Variants in PHAF1 observed in about 807,000 individuals in gnomAD.
PHAF1 encodes the protein phagophore assembly factor 1.
PHAF1 carries 23 observed loss-of-function variants against 63.1 expected under a neutral mutation model. The ratio of observed to expected loss-of-function variants is 0.36; its 90% confidence interval spans 0.26 to 0.52. The LOEUF is 0.52. Ranked by LOEUF, PHAF1 falls within the 20% of genes least tolerant of loss-of-function variation. The pLI, the probability that PHAF1 is intolerant of heterozygous loss-of-function variation, is 0.93. For missense variants in PHAF1, 427 were observed against 517.2 expected, an observed-to-expected ratio of 0.83 and a Z score of 1.69; for synonymous variants, 167 against 185.0, an observed-to-expected ratio of 0.90 and a Z score of 0.79.
intron 5 of PHAF1, 44 bp downstream of exon 5, chr16:67,132,569 C>T: frequency 6.3e-7 from 1 of 1,578,506 alleles, no homozygotes; most frequent in Non-Finnish European, 8.7e-7. Context: ...AGTGGCAGTT[C>T]ATAGCAATAA....
At position 67,121,673 on chromosome 16, in the gene PHAF1, C is replaced by T. The variant is rs570587951; in HGVS notation, c.147+1479C>T. Reference sequence around the variant, plus strand: ...TCGGCTCACCTCAACCTGCGCCTCCCGAGTTCAAGCGATTCTCCTGCCTCA... The same window carrying T: ...TCGGCTCACCTCAACCTGCGCCTCCTGAGTTCAAGCGATTCTCCTGCCTCA... On this transcript the variant is annotated intron_variant, in intron 2 of 15. Coordinates refer to ENST00000219139, the MANE Select transcript of PHAF1 (RefSeq NM_025187.5). 8.0e-5 allele frequency among the ~76,000 whole-genome samples: 12 copies of T among 149,292 alleles called. No individual in the cohort carries two copies. In the South Asian group the frequency reaches 2.1e-3, roughly 27 times the overall value.
chr16:67,115,576 T>C (rs1962702338), intron 1 of PHAF1, among the ~76,000 whole-genome samples: 1 of 152,140 alleles, frequency 6.6e-6, no homozygotes, highest in Non-Finnish European at 1.5e-5. Context: ...CATTGAGAGG[T>C]TATAAGCAGG....
chr16:67,138,980 G>A (rs1263910214), intron 8 of PHAF1, among the ~76,000 whole-genome samples: 2 of 152,140 alleles, frequency 1.3e-5, no homozygotes, highest in Admixed American at 6.5e-5. Context: ...ATGCAGTGGT[G>A]TGATCTTAGC....
rs73593350 is a variant in PHAF1, at chr16:67,122,195, C to T, written c.147+2001C>T. Among the ~76,000 whole-genome samples the T allele has an allele frequency of 4.4e-3, 668 of 152,274 alleles. 3 individuals carry two copies. The highest frequency in any genetic ancestry group is 0.015 in the African/African-American group (638 of 41,570). ...GATTACAGGCGTGAGCCACCGTGACCGGCCAAAATGTATTTCTTATATCAC... is the reference window on the plus strand; with the variant it reads ...GATTACAGGCGTGAGCCACCGTGACTGGCCAAAATGTATTTCTTATATCAC... On this transcript the variant is annotated intron_variant, in intron 2 of 15. Transcript: ENST00000219139.
chr16:67,110,763 G>A (rs187870390), intron 1 of PHAF1, among the ~76,000 whole-genome samples: 183 of 152,288 alleles, frequency 1.2e-3, no homozygotes, highest in Non-Finnish European at 1.9e-3. Context: ...CTCTGGTCAA[G>A]GGAGTTGAGT....
intron 2 of PHAF1, among the ~76,000 whole-genome samples, chr16:67,122,833 A>T (rs1168809368): frequency 6.6e-6 from 1 of 151,986 alleles, no homozygotes; most frequent in Non-Finnish European, 1.5e-5. Context: ...GGCTCAACCG[A>T]TTCTCCTGCC....
chr16:67,118,642 G>A (rs1379939919), intron 1 of PHAF1, among the ~76,000 whole-genome samples: 4 of 151,024 alleles, frequency 2.6e-5, no homozygotes, highest in Non-Finnish European at 4.4e-5. Context: ...GCCCCTTGTC[G>A]CTATTTTTAA....
intron 1 of PHAF1, among the ~76,000 whole-genome samples, chr16:67,110,986 A>G (rs1962490801): frequency 6.6e-6 from 1 of 151,900 alleles, no homozygotes; most frequent in African/African-American, 2.4e-5. Flanking sequence ...TAATTTTTGT[A>G]TTTTTAGTAG....
chr16:67,134,916 A>G lies in PHAF1; in HGVS notation c.661+449A>G, dbSNP rs545858015. The G allele has an allele frequency of 1.2e-4, 43 of 345,006 alleles. No individual in the cohort carries two copies. In the East Asian group the frequency reaches 2.6e-3, roughly 21 times the overall value. The allele number at this position is 345,006 out of a possible 1,614,324, so 21.4% of individuals were successfully genotyped here. Reference sequence around the variant, plus strand: ...AAAAGCATTCAGTCCATTGCCACATAGTTGGTAGAAGACAAATGATGCAGA... The same window carrying G: ...AAAAGCATTCAGTCCATTGCCACATGGTTGGTAGAAGACAAATGATGCAGA... On this transcript the variant is annotated intron_variant, in intron 8 of 15. Transcript: ENST00000219139.
chr16:67,120,053 G>A (rs1219253375), intron 1 of PHAF1, 59 bp from the exon 2 acceptor site: 1 of 1,448,646 alleles, frequency 6.9e-7, no homozygotes, highest in Non-Finnish European at 9.6e-7. Context: ...CTAGTGAAGT[G>A]GTAGATGTCA....
At chr16:67,137,079 C>T (rs1317664498) in intron 8 of PHAF1, among the ~76,000 whole-genome samples, 2 of 151,752 alleles carry the variant, frequency 1.3e-5, no homozygotes, top group Non-Finnish European at 2.9e-5. Flanking sequence ...GGCGTGAACC[C>T]AGGAGGTGGA....
At chr16:67,131,022 A>G (rs1161428141) in intron 3 of PHAF1, among the ~76,000 whole-genome samples, 3 of 152,124 alleles carry the variant, frequency 2.0e-5, no homozygotes, top group Non-Finnish European at 2.9e-5. Context: ...GGAGGCTAAG[A>G]CAGGAGGATC....
intron 15 of PHAF1, 62 bp from the exon 16 acceptor site, chr16:67,146,983 A>G: frequency 6.8e-7 from 1 of 1,459,916 alleles, no homozygotes; most frequent in South Asian, 1.1e-5. Flanking sequence ...GCCCTCATGC[A>G]CAGGATCTGC....
Position 67,140,077 on chromosome 16 carries a change from T to C in PHAF1, c.755T>C (p.Leu252Pro). Reference protein sequence around the residue: ...GDSCQDVLSMLGSPHKVFYKS... With the variant: ...GDSCQDVLSMPGSPHKVFYKS... ...TCCTGCCAAGATGTTCTTAGCATGC[T>C]TGGCTCTCCACACAAAGTCTTCTAT... is the stretch of plus-strand genomic sequence containing the variant. Residue 252 changes from leucine (L) to proline (P), a missense_variant, in exon 9 of 16, where the codon CTT becomes CCT. Physicochemically the swap from Leu to Pro is moderately conservative, Grantham distance 98. Transcript: ENST00000219139. 6.2e-7 allele frequency: 1 copy of C among 1,614,134 alleles called. No homozygotes were observed. The highest frequency in any genetic ancestry group is 8.5e-7 in the Non-Finnish European group (1 of 1,179,990).
intron 1 of PHAF1, among the ~76,000 whole-genome samples, chr16:67,112,381 C>CAAA (rs964546436): frequency 1.8e-4 from 8 of 45,324 alleles, no homozygotes; most frequent in Middle Eastern, 0.011. Context: ...TCGTTTCTAC[C>CAAA]AAAAAAAAAA....
At chr16:67,125,574 C>T (rs950226904) in intron 2 of PHAF1, among the ~76,000 whole-genome samples, 2 of 152,220 alleles carry the variant, frequency 1.3e-5, no homozygotes, top group African/African-American at 2.4e-5. Flanking sequence ...GGCCTTTTCA[C>T]ATGACCTGTA....
Position 67,145,618 on chromosome 16 carries a change from G to A in PHAF1, c.1099G>A (p.Val367Ile), listed in dbSNP as rs2029988080. ...GGGCCACCCTGTGGAGAAGCCTGTT[G>A]TCCTGCACAGGTGAGTGGGAGTTTG... ...LLGHPVEKPV[V>I]LHRSSSPNNT... The change falls in exon 14 of 16, where the codon GTC becomes ATC. Residue 367 changes from valine (V) to isoleucine (I), a missense_variant. Val to Ile is a conservative substitution (Grantham distance 29). Transcript: ENST00000219139. 2 of 1,613,786 alleles carry A rather than the reference G, an allele frequency of 1.2e-6. No homozygotes were observed. Among genetic ancestry groups the A allele is most frequent in the Middle Eastern group, 1.7e-4 (1 of 6,058 alleles).
chr16:67,142,121 A>G (rs1963836450), intron 10 of PHAF1, among the ~76,000 whole-genome samples: 1 of 152,190 alleles, frequency 6.6e-6, no homozygotes, highest in Admixed American at 6.5e-5. Context: ...CATCCTGACG[A>G]GTATCCAGCT....
At chr16:67,113,750 C>CT (rs35147105) in intron 1 of PHAF1, among the ~76,000 whole-genome samples, 7,150 of 135,286 alleles carry the variant, frequency 0.053, 417 homozygotes, top group African/African-American at 0.14. Context: ...CACCCAGCCT[C>CT]TTTTTTTTTT....
Sources: allele counts gnomAD v4.1 joint callset (sites outside exome capture counted in the v4.1 genomes callset), GRCh38; gene constraint gnomAD v4.1.1; transcripts MANE v1.5; gene names NCBI Gene and HGNC (gene_info 2026-07-23, HGNC 2026-07-21).